The following EXOC4 variants were observed in gnomAD, a reference collection of about 807,000 sequenced individuals.
EXOC4 encodes the protein exocyst complex component 4.
A neutral mutation model predicts 107.2 loss-of-function variants in EXOC4; 71 were observed. The ratio of observed to expected loss-of-function variants is 0.66; its 90% CI spans 0.55 to 0.81. EXOC4 has a LOEUF of 0.81. EXOC4 is among the 30% of genes least tolerant of loss of function. The pLI is 0.00. For synonymous variants in EXOC4, 456 were observed against 441.2 expected (o/e 1.03, Z -0.42); for missense variants, 1,108 against 1,189.6 (o/e 0.93, Z 1.01).
At chr7:133,327,935 T>C (rs557257511) in intron 5 of EXOC4, among the ~76,000 whole-genome samples, 6 of 152,324 alleles carry the variant, frequency 3.9e-5, no homozygotes, top group African/African-American at 1.4e-4. Context: ...TGGAGAGTTC[T>C]GTAGAGGTCT....
chr7:133,829,102 A>C (rs758923425), intron 11 of EXOC4, among the ~76,000 whole-genome samples: 5 of 152,210 alleles, frequency 3.3e-5, no homozygotes, highest in Non-Finnish European at 7.3e-5. Flanking sequence ...GAGAAAAGTG[A>C]CCTGAACAAC....
chr7:133,859,935 G>T (rs778407350), intron 11 of EXOC4, among the ~76,000 whole-genome samples: 1 of 152,124 alleles, frequency 6.6e-6, no homozygotes, highest in Non-Finnish European at 1.5e-5. Context: ...ACAAAGATTT[G>T]TGCTGTCTTC....
the EXOC4 span, among the ~76,000 whole-genome samples, chr7:134,090,409 A>AC: frequency 6.6e-6 from 1 of 152,214 alleles, no homozygotes; most frequent in South Asian, 2.1e-4. Flanking sequence ...ATCCTAAGGT[A>AC]CCCCTCTTTA....
chr7:133,434,650 C>G (rs1797927144), intron 7 of EXOC4, among the ~76,000 whole-genome samples: 1 of 152,122 alleles, frequency 6.6e-6, no homozygotes, highest in Non-Finnish European at 1.5e-5. Flanking sequence ...CAGAAAAAAT[C>G]GGAAACCAAG....
intron 9 of EXOC4, among the ~76,000 whole-genome samples, chr7:133,562,056 C>T (rs1800814939): frequency 1.3e-5 from 2 of 152,194 alleles, no homozygotes; most frequent in African/African-American, 4.8e-5. Flanking sequence ...AACAACTCAG[C>T]TCTTGTTTAT....
chr7:133,771,891 A>T (rs1427107984), intron 10 of EXOC4, among the ~76,000 whole-genome samples: 2 of 151,918 alleles, frequency 1.3e-5, no homozygotes, highest in African/African-American at 4.8e-5. Flanking sequence ...AGACAACAAA[A>T]TTCATTCACC....
Position 134,008,172 on chromosome 7 carries a change from A to T in EXOC4, c.2687+337A>T, listed in dbSNP as rs531279348. Among the ~76,000 whole-genome samples, 221 of 152,324 alleles carry T rather than the reference A, an allele frequency of 1.5e-3. 1 individual carries two copies. Among genetic ancestry groups the T allele is most frequent in the African/African-American group, 4.9e-3 (203 of 41,568 alleles). ...AGAAGAATATAAACCTTTGATCTAGAGGCTAAGATATTTGGTATATTTTCT... is the reference window on the plus strand; with the variant it reads ...AGAAGAATATAAACCTTTGATCTAGTGGCTAAGATATTTGGTATATTTTCT... On this transcript the variant is annotated intron_variant, in intron 17 of 17. Coordinates refer to ENST00000253861, the MANE Select transcript of EXOC4 (RefSeq NM_021807.4).
chr7:133,985,290 C>G (rs1563081090), intron 14 of EXOC4, among the ~76,000 whole-genome samples: 1 of 152,160 alleles, frequency 6.6e-6, no homozygotes. Flanking sequence ...AAAACATCCC[C>G]TCTGTGAAAG....
chr7:133,499,873 C>A (rs994907001), intron 9 of EXOC4, among the ~76,000 whole-genome samples: 7 of 152,138 alleles, frequency 4.6e-5, no homozygotes, highest in African/African-American at 7.2e-5. Flanking sequence ...GCTTCCTGCA[C>A]AGCCTCCAGA....
intron 11 of EXOC4, among the ~76,000 whole-genome samples, chr7:133,836,281 G>C (rs1797916497): frequency 6.6e-6 from 1 of 151,986 alleles, no homozygotes. Flanking sequence ...GAATGTTAAG[G>C]CTGGAAGGTA....
At chr7:133,340,825 T>A (rs2150625427) in intron 5 of EXOC4, among the ~76,000 whole-genome samples, 1 of 152,258 alleles carries the variant, frequency 6.6e-6, no homozygotes, top group South Asian at 2.1e-4. Flanking sequence ...AAGGTGTTCA[T>A]AGCCTTGAAT....
intron 5 of EXOC4, among the ~76,000 whole-genome samples, chr7:133,341,269 A>G (rs114427549): frequency 6.6e-6 from 1 of 152,160 alleles, no homozygotes; most frequent in African/African-American, 2.4e-5. Flanking sequence ...TCAGATTTCC[A>G]TCTTGATTTC....
intron 17 of EXOC4, among the ~76,000 whole-genome samples, chr7:134,041,943 G>A (rs920109381): frequency 6.6e-6 from 1 of 152,120 alleles, no homozygotes; most frequent in African/African-American, 2.4e-5. Context: ...CTCCCACTGA[G>A]CCAGCTGTGT....
intron 7 of EXOC4, among the ~76,000 whole-genome samples, chr7:133,472,968 C>T (rs1254691102): frequency 6.6e-6 from 1 of 152,132 alleles, no homozygotes; most frequent in African/African-American, 2.4e-5. Flanking sequence ...GCAAGTGCCT[C>T]AAAAGAGTTA....
At chr7:133,763,420 G>C (rs936313265) in intron 10 of EXOC4, among the ~76,000 whole-genome samples, 1 of 152,122 alleles carries the variant, frequency 6.6e-6, no homozygotes, top group African/African-American at 2.4e-5. Flanking sequence ...GGATTAAGTG[G>C]TAAAGAGTAC....
intron 10 of EXOC4, among the ~76,000 whole-genome samples, chr7:133,793,035 A>C (rs923616536): frequency 6.6e-6 from 1 of 152,028 alleles, no homozygotes; most frequent in Non-Finnish European, 1.5e-5. Flanking sequence ...TTTTTTTGCC[A>C]TTCTCCTGGT....
chr7:133,307,442 G>T (rs1264483780), intron 4 of EXOC4, among the ~76,000 whole-genome samples: 1 of 152,096 alleles, frequency 6.6e-6, no homozygotes, highest in African/African-American at 2.4e-5. Flanking sequence ...CCCATACAAG[G>T]TTAAGTAATA....
At chr7:133,602,028 CT>C (rs1157238516) in intron 9 of EXOC4, 1 of 152,220 alleles carries the variant, frequency 6.6e-6, no homozygotes, top group Non-Finnish European at 1.5e-5. Flanking sequence ...TTTTTCAGTA[CT>C]TTTGTTAACT....
At chr7:133,707,665 G>C (rs1377577128) in intron 10 of EXOC4, among the ~76,000 whole-genome samples, 1 of 151,726 alleles carries the variant, frequency 6.6e-6, no homozygotes, top group East Asian at 1.9e-4. Context: ...GCCCAGGTTG[G>C]AGTGCAGTGA....
Sources: allele counts gnomAD v4.1 joint callset (sites outside exome capture counted in the v4.1 genomes callset), GRCh38; gene constraint gnomAD v4.1.1; transcripts MANE v1.5; gene names NCBI Gene and HGNC (gene_info 2026-07-23, HGNC 2026-07-21).